The following ST18 variants were observed in gnomAD, a reference collection of about 807,000 sequenced individuals.
ST18 encodes the protein ST18 C2H2C-type zinc finger transcription factor.
A neutral mutation model predicts 110.0 loss-of-function variants in ST18; 50 were observed. That is an observed-to-expected ratio of 0.45 (90% CI 0.36 to 0.58). The LOEUF (loss-of-function observed/expected upper bound fraction) is 0.58. Among genes scored for constraint, ST18 ranks in the 20% least tolerant of loss-of-function variants. ST18 has a pLI of 0.00. For missense variants in ST18, 1,306 were observed against 1,280.1 expected (o/e 1.02, Z -0.31); for synonymous variants, 461 against 452.4 (o/e 1.02, Z -0.24).
At position 52,164,110 on chromosome 8, in the gene ST18, C is replaced by A; in HGVS notation, c.1296-20G>T. On this transcript the variant is annotated intron_variant, in intron 12 of 25. Coordinates refer to ENST00000689386, the MANE Select transcript of ST18 (RefSeq NM_001352837.2). Reference sequence around the variant, plus strand: ...GAAAGACTGTTTAAAAAAAGAAACACAGGAGGATTTTAGTTAAAATGATAA... The same window carrying A: ...GAAAGACTGTTTAAAAAAAGAAACAAAGGAGGATTTTAGTTAAAATGATAA... 2 of 1,595,848 alleles carry A rather than the reference C, an allele frequency of 1.3e-6. No homozygotes were observed. Among genetic ancestry groups the A allele is most frequent in the Non-Finnish European group, 1.7e-6 (2 of 1,163,372 alleles).
intron 6 of ST18, among the ~76,000 whole-genome samples, chr8:52,215,136 T>A (rs2083657614): frequency 6.6e-6 from 1 of 152,166 alleles, no homozygotes; most frequent in Non-Finnish European, 1.5e-5. Flanking sequence ...CATCCTTAAA[T>A]CCTGACACTA....
chr8:52,118,822 C>A (rs181450045), intron 23 of ST18, among the ~76,000 whole-genome samples: 5 of 152,210 alleles, frequency 3.3e-5, no homozygotes, highest in Admixed American at 3.3e-4. Flanking sequence ...GAATCACTGA[C>A]AGAAGTTAAA....
At chr8:52,382,624 C>T (rs1014713324) in intron 2 of ST18, among the ~76,000 whole-genome samples, 1 of 151,638 alleles carries the variant, frequency 6.6e-6, no homozygotes, top group East Asian at 1.9e-4. Context: ...AGAGGATGAA[C>T]GGAGATGAAA....
chr8:52,133,034 C>T, intron 21 of ST18, 23 bp downstream of exon 21: 2 of 1,611,986 alleles, frequency 1.2e-6, no homozygotes, highest in Non-Finnish European at 8.5e-7. Context: ...AGCTGACCCC[C>T]ATGTCTCAAC....
chr8:52,293,085 C>T (rs577481210), intron 2 of ST18, among the ~76,000 whole-genome samples: 3 of 152,246 alleles, frequency 2.0e-5, no homozygotes, highest in East Asian at 1.9e-4. Context: ...TTTATGTGTC[C>T]GCATATATAC....
At chr8:52,348,770 T>A (rs1434374813) in intron 2 of ST18, among the ~76,000 whole-genome samples, 1 of 152,166 alleles carries the variant, frequency 6.6e-6, no homozygotes, top group East Asian at 1.9e-4. Flanking sequence ...ATATTTATCA[T>A]GTACAGTATG....
At chr8:52,255,840 G>C (rs2094509921) in intron 2 of ST18, among the ~76,000 whole-genome samples, 1 of 152,186 alleles carries the variant, frequency 6.6e-6, no homozygotes, top group Non-Finnish European at 1.5e-5. Flanking sequence ...CTCTACAGAC[G>C]AGGAACGTGA....
At chr8:52,276,116 ACCTAT>A (rs1564392577) in intron 2 of ST18, among the ~76,000 whole-genome samples, 91 of 17,394 alleles carry the variant, frequency 5.2e-3, no homozygotes, top group Admixed American at 6.4e-3. Flanking sequence ...CACACACCGC[ACCTAT>A]CACATACCAC....
intron 2 of ST18, among the ~76,000 whole-genome samples, chr8:52,327,645 T>G (rs1452665294): frequency 1.3e-5 from 2 of 152,226 alleles, no homozygotes; most frequent in African/African-American, 4.8e-5. Context: ...TATAATCACT[T>G]GCAATTGACC....
intron 2 of ST18, among the ~76,000 whole-genome samples, chr8:52,245,737 G>A (rs933800175): frequency 1.3e-5 from 2 of 152,012 alleles, no homozygotes; most frequent in Non-Finnish European, 2.9e-5. Context: ...CCTATATTTA[G>A]TGCAGATATC....
chr8:52,249,129 G>T (rs556661266), intron 2 of ST18, among the ~76,000 whole-genome samples: 4 of 152,108 alleles, frequency 2.6e-5, no homozygotes, highest in Non-Finnish European at 4.4e-5. Context: ...AAGTTCACTC[G>T]CATTTTGGGG....
intron 2 of ST18, among the ~76,000 whole-genome samples, chr8:52,375,398 A>G (rs1831938949): frequency 6.6e-6 from 1 of 152,070 alleles, no homozygotes. Flanking sequence ...ACCTTGACTT[A>G]CTGAATCCAA....
chr8:52,274,596 G>A (rs1287846857), intron 2 of ST18, among the ~76,000 whole-genome samples: 5 of 152,070 alleles, frequency 3.3e-5, no homozygotes, highest in Non-Finnish European at 7.4e-5. Context: ...AGGAGACAAG[G>A]GTAGGTCCTG....
chr8:52,210,183 C>A, intron 8 of ST18: 1 of 455,950 alleles, frequency 2.2e-6, no homozygotes, highest in Non-Finnish European at 4.4e-6. Context: ...AGCACTGGGT[C>A]ATTTTAAACT....
chr8:52,311,464 A>T (rs1273276818), intron 2 of ST18, among the ~76,000 whole-genome samples: 3 of 152,130 alleles, frequency 2.0e-5, no homozygotes, highest in Non-Finnish European at 2.9e-5. Context: ...CTCATCAAAA[A>T]ATCTTCTAAT....
At chr8:52,161,816 C>G (rs1310662341) in intron 13 of ST18, among the ~76,000 whole-genome samples, 1 of 152,222 alleles carries the variant, frequency 6.6e-6, no homozygotes, top group East Asian at 1.9e-4. Context: ...GTCCTCCCAT[C>G]AGCAAATTAA....
intron 2 of ST18, among the ~76,000 whole-genome samples, chr8:52,266,410 A>G (rs1485097567): frequency 6.6e-6 from 1 of 152,088 alleles, no homozygotes; most frequent in Non-Finnish European, 1.5e-5. Flanking sequence ...AAATAGAGAG[A>G]GGGTATGGTA....
At chr8:52,274,831 G>C (rs546550381) in intron 2 of ST18, among the ~76,000 whole-genome samples, 30 of 152,198 alleles carry the variant, frequency 2.0e-4, no homozygotes, top group Admixed American at 9.2e-4. Context: ...AATAATTCTT[G>C]TATTTTTCCC....
intron 5 of ST18, among the ~76,000 whole-genome samples, chr8:52,218,754 T>G (rs2136264294): frequency 6.6e-6 from 1 of 152,050 alleles, no homozygotes; most frequent in South Asian, 2.1e-4. Context: ...GTAAGCACCC[T>G]TTTGAACAAG....
Sources: gnomAD v4.1 joint callset for allele counts (sites outside exome capture counted in the v4.1 genomes callset) on GRCh38, gnomAD v4.1.1 for gene constraint, MANE v1.5 for transcripts, NCBI Gene and HGNC (gene_info 2026-07-23, HGNC 2026-07-21) for gene names.